CFAP46: variants seen among roughly 807,000 people sequenced by gnomAD.
CFAP46 encodes the protein cilia and flagella associated protein 46.
Under a neutral mutation model 325.7 loss-of-function variants are expected in CFAP46, and 245 were observed. That is an observed-to-expected ratio of 0.75 (90% CI 0.68 to 0.84). The LOEUF (loss-of-function observed/expected upper bound fraction) is 0.84, where lower values mean the gene tolerates loss of function less well. CFAP46 is among the 40% of genes least tolerant of loss of function. CFAP46 has a pLI of 0.00. For missense variants in CFAP46, 3,346 were observed against 3,543.0 expected (o/e 0.94, Z 1.41); for synonymous variants, 1,523 against 1,495.9 (o/e 1.02, Z -0.42).
chr10:132,828,180 G>A lies in CFAP46; in HGVS notation c.7117+5178C>T, dbSNP rs938561702. Among the ~76,000 whole-genome samples the A allele has an allele frequency of 6.6e-6, 1 of 152,266 alleles. No homozygotes were observed. The highest frequency in any genetic ancestry group is 1.5e-5 in the Non-Finnish European group (1 of 68,054). On this transcript the variant is annotated intron_variant, in intron 50 of 57. Coordinates refer to ENST00000368586, the MANE Select transcript of CFAP46 (RefSeq NM_001200049.3). The surrounding 1 kb of genome is among the most constrained non-coding windows in gnomAD (Gnocchi z 4.9). ...AACGCTGCTGTAAACATGTGTATGA[G>A]TTTCTGCGGGACGCGTGTCTCCTTA...
At chr10:132,922,935 G>A (rs142197496) in intron 11 of CFAP46, among the ~76,000 whole-genome samples, 1,712 of 152,368 alleles carry the variant, frequency 0.011, 28 homozygotes, top group African/African-American at 0.039. Flanking sequence ...GGCCTCGGCA[G>A]CTCACGACGG....
intron 34 of CFAP46, among the ~76,000 whole-genome samples, chr10:132,866,930 G>T (rs183850955): frequency 6.6e-6 from 1 of 152,218 alleles, no homozygotes; most frequent in Non-Finnish European, 1.5e-5. Context: ...ACCTCCAGGC[G>T]GAGCTCCCTC....
intron 37 of CFAP46, among the ~76,000 whole-genome samples, chr10:132,859,533 A>G (rs1848695269): frequency 6.6e-6 from 1 of 150,946 alleles, no homozygotes; most frequent in Non-Finnish European, 1.5e-5. Context: ...AAATTCAAAA[A>G]CCCTCTCCTA....
intron 17 of CFAP46, 129 bp from the exon 18 acceptor site, chr10:132,913,387 A>G (rs1335397994): frequency 3.3e-6 from 2 of 598,710 alleles, no homozygotes; most frequent in African/African-American, 3.7e-5. Context: ...GTGGGCGGCG[A>G]CCAAACTCCA....
At chr10:132,926,720 T>G in intron 9 of CFAP46, 54 bp from the exon 10 acceptor site, 1 of 1,270,368 alleles carries the variant, frequency 7.9e-7, no homozygotes, top group South Asian at 1.3e-5. Context: ...GAAGCAGCTG[T>G]GTACATTCAT....
At chr10:132,875,649 C>T (rs1391288029) in intron 31 of CFAP46, among the ~76,000 whole-genome samples, 1 of 152,188 alleles carries the variant, frequency 6.6e-6, no homozygotes, top group East Asian at 1.9e-4. Flanking sequence ...GAAGTGGTGT[C>T]AGAACAATGG....
At chr10:132,897,993 C>G (rs912931053) in intron 24 of CFAP46, among the ~76,000 whole-genome samples, 1 of 91,646 alleles carries the variant, frequency 1.1e-5, no homozygotes. Context: ...GTGCCCCACT[C>G]CCGTCCTCCT....
rs779162071 is a variant in CFAP46 at position 132,885,233 on chromosome 10, G to A, written c.3497C>T (p.Ser1166Leu). Residue 1166 changes from serine (S) to leucine (L), a missense_variant, in exon 27 of 58, where the codon TCG (serine) becomes TTG (leucine). By Grantham distance (145) the Ser-to-Leu change is moderately radical. Coordinates refer to ENST00000368586, the MANE Select transcript of CFAP46 (RefSeq NM_001200049.3). ...GGCCTTGAATTTCTGTATTTCCATC[G>A]AAAAATTCTGCCCGAGCTTGGCCTT... ...IVKAKLGQNF[S>L]MEIQKFKAES... 1.2e-5 allele frequency: 18 copies of A among 1,550,188 alleles called. No individual in the cohort carries two copies. Among genetic ancestry groups the A allele is most frequent in the Non-Finnish European group, 1.4e-5 (16 of 1,146,888 alleles).
At chr10:132,887,048 A>T (rs1455437794) in intron 25 of CFAP46, among the ~76,000 whole-genome samples, 2 of 124,644 alleles carry the variant, frequency 1.6e-5, no homozygotes, top group African/African-American at 6.1e-5. Context: ...TTCTCCTCTC[A>T]TCTTCTCTCT....
intron 19 of CFAP46, among the ~76,000 whole-genome samples, chr10:132,912,444 C>G (rs1564798321): frequency 8.9e-6 from 1 of 112,356 alleles, no homozygotes; most frequent in African/African-American, 3.5e-5. Flanking sequence ...TCTCTCCTCT[C>G]CTCTCTCTCT....
rs538240469 is a variant in CFAP46 at position 132,872,773 on chromosome 10, A to C, written c.4414T>G (p.Cys1472Gly). 8.5e-5 allele frequency: 132 copies of C among 1,551,072 alleles called. No individual in the cohort carries two copies. The African/African-American group carries it at 1.6e-3, about 19-fold the overall frequency. ...DHLVKALQKM[C>G]LHELTVPVLQ... ...ACGGGAACCGTGAGTTCGTGCAGGC[A>C]CATCTTCTGCAGGGCCTTGACCAGG... The change falls in exon 32 of 58, where the codon TGC becomes GGC. Residue 1472 changes from cysteine (C) to glycine (G), a missense_variant. Coordinates refer to ENST00000368586, the MANE Select transcript of CFAP46 (RefSeq NM_001200049.3).
intron 22 of CFAP46, among the ~76,000 whole-genome samples, chr10:132,904,606 G>A (rs1849431319): frequency 6.6e-6 from 1 of 152,196 alleles, no homozygotes; most frequent in Non-Finnish European, 1.5e-5. Flanking sequence ...CACGGCCAGG[G>A]CGCCCAGCCC....
chr10:132,845,001 G>C (rs1848410275), intron 44 of CFAP46, among the ~76,000 whole-genome samples: 1 of 152,144 alleles, frequency 6.6e-6, no homozygotes, highest in Admixed American at 6.6e-5. Context: ...CTACAGGTGT[G>C]TGCCCCCATG....
chr10:132,838,812 G>A (rs186220991), intron 44 of CFAP46, among the ~76,000 whole-genome samples: 160 of 152,380 alleles, frequency 1.1e-3, no homozygotes, highest in Non-Finnish European at 1.7e-3. Context: ...CTGCACCCAC[G>A]GGCTACTGTG....
At chr10:132,824,338 C>CTGTGTGCTGTG (rs1847982271) in intron 50 of CFAP46, among the ~76,000 whole-genome samples, 1 of 106,220 alleles carries the variant, frequency 9.4e-6, no homozygotes, top group African/African-American at 3.8e-5. Flanking sequence ...TGTGTGTGTG[C>CTGTGTGCTGTG]TGTGTGCTGT....
rs949476294 is a variant in CFAP46 at position 132,876,210 on chromosome 10, G to A, written c.4362+602C>T. Among the ~76,000 whole-genome samples the A allele has an allele frequency of 5.9e-5, 9 of 152,220 alleles. No individual in the cohort carries two copies. The highest frequency in any genetic ancestry group is 5.2e-4 in the Admixed American group (8 of 15,290). On this transcript the variant is annotated intron_variant, in intron 31 of 57. Transcript: ENST00000368586. The surrounding 1 kb of genome is among the most constrained non-coding windows in gnomAD (Gnocchi z 4.1). ...GGGAGTGGCATCAGCAGGGATCTGC[G>A]CAGGGCCACTCTACCCACAGCGGGC... is the stretch of plus-strand genomic sequence containing the variant.
intron 57 of CFAP46, among the ~76,000 whole-genome samples, chr10:132,809,263 C>T (rs1424668770): frequency 6.6e-6 from 1 of 152,228 alleles, no homozygotes; most frequent in Non-Finnish European, 1.5e-5. Context: ...GTGACAGTCA[C>T]TGGGCTCATG....
chr10:132,906,503 C>A (rs185948714), intron 22 of CFAP46, among the ~76,000 whole-genome samples: 30 of 141,536 alleles, frequency 2.1e-4, no homozygotes, highest in African/African-American at 5.8e-4. Flanking sequence ...GGGGTCCTGG[C>A]GCGTGATGCC....
chr10:132,846,883 C>T (rs1412983004), intron 43 of CFAP46, 49 bp downstream of exon 43: 2 of 1,561,928 alleles, frequency 1.3e-6, no homozygotes, highest in African/African-American at 1.4e-5. Flanking sequence ...CCAGGGTCCT[C>T]CCTCCTCCAT....
Sources: allele counts gnomAD v4.1 joint callset (sites outside exome capture counted in the v4.1 genomes callset), GRCh38; gene constraint gnomAD v4.1.1; non-coding constraint Gnocchi (gnomAD v3.1); transcripts MANE v1.5; gene names NCBI Gene and HGNC (gene_info 2026-07-23, HGNC 2026-07-21).